TMEM144: variants seen among roughly 807,000 people sequenced by gnomAD.
TMEM144 encodes the protein transmembrane protein 144.
Under a neutral mutation model 43.6 loss-of-function variants are expected in TMEM144, and 39 were observed. The observed-to-expected ratio is 0.90, with a 90% CI of 0.69 to 1.17. TMEM144 has a LOEUF of 1.17. TMEM144 is among the 50% of genes most tolerant of loss of function. The probability of loss-of-function intolerance (pLI) is 0.00; values close to 1 mark genes in which losing one functional copy is unlikely to be tolerated. For missense variants in TMEM144, 417 were observed against 411.9 expected (o/e 1.01, Z -0.11); for synonymous variants, 154 against 133.6 (o/e 1.15, Z -1.06).
chr4:158,218,768 T>G (rs1734361998), intron 5 of TMEM144, among the ~76,000 whole-genome samples: 1 of 152,224 alleles, frequency 6.6e-6, no homozygotes, highest in Admixed American at 6.5e-5. Flanking sequence ...CAAGTACTTT[T>G]ATGTATACTA....
intron 3 of TMEM144, among the ~76,000 whole-genome samples, chr4:158,214,298 G>T (rs1734111135): frequency 6.6e-6 from 1 of 152,136 alleles, no homozygotes; most frequent in Non-Finnish European, 1.5e-5. Flanking sequence ...AAAGTGCTAG[G>T]ATTACAGGCC....
At chr4:158,226,238 T>C (rs953443018) in intron 6 of TMEM144, among the ~76,000 whole-genome samples, 5 of 152,246 alleles carry the variant, frequency 3.3e-5, no homozygotes, top group African/African-American at 1.2e-4. Context: ...ATTAGTGTGT[T>C]ATTAATGTTA....
intron 10 of TMEM144, among the ~76,000 whole-genome samples, chr4:158,240,894 A>T (rs561855705): frequency 2.0e-5 from 3 of 152,360 alleles, no homozygotes; most frequent in African/African-American, 7.2e-5. Flanking sequence ...TTCATTAGGC[A>T]TTGATCTTTT....
intron 7 of TMEM144, chr4:158,233,446 T>C (rs1170442932): frequency 1.3e-5 from 2 of 152,324 alleles, no homozygotes; most frequent in Non-Finnish European, 2.9e-5. Context: ...GAAAATATGA[T>C]AGGAGTCACT....
intron 7 of TMEM144, 167 bp downstream of exon 7, chr4:158,233,149 A>G (rs150382594): frequency 3.1e-4 from 160 of 511,220 alleles, no homozygotes; most frequent in African/African-American, 2.8e-3. Context: ...CAATCAATCA[A>G]TATTTCCGCA....
intron 12 of TMEM144, among the ~76,000 whole-genome samples, chr4:158,246,711 C>CA (rs944975651): frequency 4.0e-5 from 6 of 151,632 alleles, no homozygotes; most frequent in African/African-American, 1.5e-4. Context: ...ATCTACCTCA[C>CA]AAAAAAAGAT....
intron 12 of TMEM144, among the ~76,000 whole-genome samples, 182 bp downstream of exon 12, chr4:158,244,531 T>C (rs1375344692): frequency 1.3e-5 from 2 of 151,840 alleles, no homozygotes; most frequent in African/African-American, 4.8e-5. Context: ...ATTAGCTGGG[T>C]GTGGTGGTGT....
chr4:158,241,901 A>G (rs113661743), intron 11 of TMEM144, among the ~76,000 whole-genome samples: 1 of 152,210 alleles, frequency 6.6e-6, no homozygotes, highest in Non-Finnish European at 1.5e-5. Flanking sequence ...TTTGCTATTG[A>G]TAACTATTAT....
chr4:158,249,933 T>TGTGTGTGTGTGTGTGTGTG (rs70958884), intron 12 of TMEM144, among the ~76,000 whole-genome samples: 39 of 135,970 alleles, frequency 2.9e-4, no homozygotes, highest in East Asian at 4.5e-4. Context: ...TGTGTGTGTG[T>TGTGTGTGTGTGTGTGTGTG]TTAAATAAGC....
intron 8 of TMEM144, 142 bp from the exon 9 acceptor site, chr4:158,237,381 CCG>C (rs1735401759): frequency 1.6e-6 from 1 of 644,754 alleles, no homozygotes; most frequent in Non-Finnish European, 2.7e-6. Flanking sequence ...TCTGTGACTT[CCG>C]CCAGTCACAG....
At chr4:158,235,920 G>A (rs1735321360) in intron 8 of TMEM144, among the ~76,000 whole-genome samples, 1 of 152,284 alleles carries the variant, frequency 6.6e-6, no homozygotes, top group South Asian at 2.1e-4. Flanking sequence ...TGTTTAGACA[G>A]TTATATAATT....
chr4:158,215,436 A>T, intron 4 of TMEM144, 123 bp downstream of exon 4: 1 of 1,191,270 alleles, frequency 8.4e-7, no homozygotes, highest in Non-Finnish European at 1.1e-6. Flanking sequence ...AGATACTAGA[A>T]ATTAACTAGT....
chr4:158,237,427 G>C, intron 8 of TMEM144, 98 bp from the exon 9 acceptor site: 1 of 919,670 alleles, frequency 1.1e-6, no homozygotes. Flanking sequence ...TTGCTTGTTT[G>C]TGATTTGCCT....
In TMEM144 at chr4:158,237,362, C is replaced by T. The variant is rs566253892; in HGVS notation, c.564-163C>T. On this transcript the variant is annotated intron_variant, in intron 8 of 12. Transcript: ENST00000296529. ...TAGTCCTGATGCCACTTTAATACTGCAGGGTATTTCTGTGACTTCCGCCAG... is the reference window on the plus strand; with the variant it reads ...TAGTCCTGATGCCACTTTAATACTGTAGGGTATTTCTGTGACTTCCGCCAG... The T allele has an allele frequency of 8.4e-6, 5 of 592,206 alleles. No homozygotes were observed. In the South Asian group the frequency reaches 9.3e-5, roughly 11 times the overall value. The allele number at this position is 592,206 out of a possible 1,614,324, so 36.7% of individuals were successfully genotyped here.
chr4:158,215,412 TA>T, intron 4 of TMEM144, 99 bp downstream of exon 4: 1 of 1,423,516 alleles, frequency 7.0e-7, no homozygotes, highest in Non-Finnish European at 9.4e-7. Context: ...TGATTCTGAA[TA>T]ACCCTTAGTC....
intron 6 of TMEM144, among the ~76,000 whole-genome samples, chr4:158,232,084 A>G (rs1735110115): frequency 6.6e-6 from 1 of 152,228 alleles, no homozygotes; most frequent in Admixed American, 6.5e-5. Flanking sequence ...TGTTAAAAGT[A>G]TCCCAACGTT....
At chr4:158,241,019 C>G (rs928779096) in intron 10 of TMEM144, among the ~76,000 whole-genome samples, 2 of 152,022 alleles carry the variant, frequency 1.3e-5, no homozygotes. Context: ...GAATGCCTAA[C>G]AGATTTATGC....
chr4:158,231,742 C>G (rs1735090192), intron 6 of TMEM144, among the ~76,000 whole-genome samples: 1 of 151,610 alleles, frequency 6.6e-6, no homozygotes, highest in Admixed American at 6.6e-5. Context: ...CAGCTTGGAG[C>G]AGGGAGTGGT....
chr4:158,251,307 A>G (rs1736189925), intron 12 of TMEM144, among the ~76,000 whole-genome samples: 1 of 152,210 alleles, frequency 6.6e-6, no homozygotes, highest in Non-Finnish European at 1.5e-5. Context: ...CCAGGCAGCC[A>G]GAGATTGCCA....
Sources: allele counts gnomAD v4.1 joint callset (sites outside exome capture counted in the v4.1 genomes callset), GRCh38; gene constraint gnomAD v4.1.1; transcripts MANE v1.5; gene names NCBI Gene and HGNC (gene_info 2026-07-23, HGNC 2026-07-21).